Variants in CADM2 observed in about 807,000 individuals in gnomAD.
CADM2 encodes immunoglobulin superfamily member 4D.
A neutral mutation model predicts 49.8 loss-of-function variants in CADM2; 12 were observed. The observed-to-expected ratio is 0.24, with a 90% confidence interval of 0.15 to 0.39. The LOEUF (loss-of-function observed/expected upper bound fraction) is 0.39. CADM2 is among the 10% of genes least tolerant of loss of function. The pLI is 1.00. For missense variants in CADM2, 378 were observed against 492.3 expected, an observed-to-expected ratio of 0.77 and a Z score of 2.20; for synonymous variants, 214 against 175.4, an observed-to-expected ratio of 1.22 and a Z score of -1.74.
chr3:85,129,339 A>G (rs970846733), intron 1 of CADM2, among the ~76,000 whole-genome samples: 3 of 152,154 alleles, frequency 2.0e-5, no homozygotes, highest in African/African-American at 7.2e-5. Flanking sequence ...CCTCTTGACT[A>G]CCTAATATTT....
intron 1 of CADM2, among the ~76,000 whole-genome samples, chr3:85,292,977 T>G (rs1226148399): frequency 6.6e-6 from 1 of 152,002 alleles, no homozygotes; most frequent in Non-Finnish European, 1.5e-5. Context: ...CAAAAAGCCC[T>G]TCAAAAAATT....
intron 1 of CADM2, among the ~76,000 whole-genome samples, chr3:85,162,986 C>T (rs528057509): frequency 6.6e-6 from 1 of 151,928 alleles, no homozygotes; most frequent in Admixed American, 6.6e-5. Flanking sequence ...ATTTGATGAT[C>T]ATCTACCTGA....
intron 1 of CADM2, among the ~76,000 whole-genome samples, chr3:85,324,073 C>T (rs1348232521): frequency 6.6e-6 from 1 of 152,140 alleles, no homozygotes; most frequent in Non-Finnish European, 1.5e-5. Flanking sequence ...TAGCCTTCAG[C>T]ACCAGGAGGA....
chr3:85,068,107 C>G (rs2036588945), intron 1 of CADM2, among the ~76,000 whole-genome samples: 2 of 152,152 alleles, frequency 1.3e-5, no homozygotes, highest in African/African-American at 4.8e-5. Flanking sequence ...TTAACGCAGA[C>G]TTTAGAGAAT....
chr3:85,063,085 T>C (rs2036395350), intron 1 of CADM2, among the ~76,000 whole-genome samples: 3 of 152,056 alleles, frequency 2.0e-5, no homozygotes, highest in South Asian at 2.1e-4. Flanking sequence ...GACTTTAATA[T>C]TGTACTATTA....
chr3:85,187,458 T>C lies in CADM2; in HGVS notation c.61+227790T>C, dbSNP rs138609968. Among the ~76,000 whole-genome samples, 729 of 152,208 alleles carry C rather than the reference T, an allele frequency of 4.8e-3. 9 individuals carry two copies. The highest frequency in any genetic ancestry group is 0.016 in the African/African-American group (674 of 41,550). ...CATCTCCTCATAAGTTTTTTTTAAA[T>C]GGCTATACTAAACAATAAAACTATA... On this transcript the variant is annotated intron_variant, in intron 1 of 9. Transcript: ENST00000383699.
intron 3 of CADM2, among the ~76,000 whole-genome samples, chr3:85,829,549 G>A (rs957145198): frequency 2.4e-4 from 37 of 151,930 alleles, no homozygotes; most frequent in African/African-American, 4.6e-4. Flanking sequence ...AGTATGCATT[G>A]TGTAATGATT....
intron 8 of CADM2, among the ~76,000 whole-genome samples, chr3:86,006,107 C>G (rs553656766): frequency 6.6e-6 from 1 of 152,118 alleles, no homozygotes; most frequent in South Asian, 2.1e-4. Context: ...ATTTTTTAAT[C>G]CATTCATCTG....
At chr3:85,872,836 C>T (rs193199736) in intron 3 of CADM2, among the ~76,000 whole-genome samples, 1 of 152,046 alleles carries the variant, frequency 6.6e-6, no homozygotes, top group East Asian at 1.9e-4. Flanking sequence ...GATATGCTGT[C>T]TCTCGTTTTT....
intron 3 of CADM2, among the ~76,000 whole-genome samples, chr3:85,858,913 A>G (rs2075414445): frequency 6.6e-6 from 1 of 152,228 alleles, no homozygotes; most frequent in Admixed American, 6.5e-5. Flanking sequence ...ATGATAGTTT[A>G]GTAAACAAAT....
intron 1 of CADM2, chr3:85,512,015 T>G (rs2040641350): frequency 3.6e-6 from 1 of 280,032 alleles, no homozygotes; most frequent in Non-Finnish European, 5.4e-6. Flanking sequence ...TTTTTTCAAC[T>G]CTCATTACAT....
At chr3:85,768,225 T>C (rs1295216459) in intron 2 of CADM2, among the ~76,000 whole-genome samples, 1 of 151,944 alleles carries the variant, frequency 6.6e-6, no homozygotes, top group Admixed American at 6.6e-5. Flanking sequence ...GGCAGGCGTT[T>C]TGCCTGAGCT....
intron 1 of CADM2, among the ~76,000 whole-genome samples, chr3:85,652,619 A>T (rs553953259): frequency 6.6e-6 from 1 of 152,112 alleles, no homozygotes; most frequent in Non-Finnish European, 1.5e-5. Context: ...TGGTCATGGA[A>T]TAGCAAAGAG....
chr3:85,085,696 AT>A (rs2037341249), intron 1 of CADM2, among the ~76,000 whole-genome samples: 1 of 152,150 alleles, frequency 6.6e-6, no homozygotes, highest in African/African-American at 2.4e-5. Flanking sequence ...ACTTTCCAGA[AT>A]TCTTCATATC....
intron 1 of CADM2, among the ~76,000 whole-genome samples, chr3:85,080,147 C>G (rs1575822500): frequency 6.6e-6 from 1 of 151,960 alleles, no homozygotes; most frequent in African/African-American, 2.4e-5. Flanking sequence ...TATCAATTAA[C>G]TTAAATGATG....
chr3:85,648,418 C>G (rs531461962), intron 1 of CADM2, among the ~76,000 whole-genome samples: 75 of 151,948 alleles, frequency 4.9e-4, no homozygotes, highest in African/African-American at 1.7e-3. Context: ...TTTCCACCCC[C>G]CTCTATCTGG....
At chr3:85,107,609 T>TTC (rs1424531120) in intron 1 of CADM2, among the ~76,000 whole-genome samples, 34 of 148,222 alleles carry the variant, frequency 2.3e-4, no homozygotes, top group African/African-American at 3.4e-4. Flanking sequence ...TTCTCTTTCT[T>TTC]TTTCTTTCTT....
At chr3:85,737,828 G>A (rs2068207043) in intron 2 of CADM2, among the ~76,000 whole-genome samples, 3 of 152,052 alleles carry the variant, frequency 2.0e-5, no homozygotes, top group Non-Finnish European at 2.9e-5. Context: ...AAACTGCTGG[G>A]GTTACAGGCG....
At chr3:85,826,335 C>T (rs2073909018) in intron 3 of CADM2, among the ~76,000 whole-genome samples, 1 of 151,988 alleles carries the variant, frequency 6.6e-6, no homozygotes. Flanking sequence ...TGCACTTATC[C>T]TTAATCATTA....
Sources: gnomAD v4.1 joint callset for allele counts (sites outside exome capture counted in the v4.1 genomes callset) on GRCh38, gnomAD v4.1.1 for gene constraint, MANE v1.5 for transcripts, NCBI Gene and HGNC (gene_info 2026-07-23, HGNC 2026-07-21) for gene names.